DOCK1: variants seen among roughly 807,000 people sequenced by gnomAD.
The protein encoded by DOCK1 is dedicator of cytokinesis 1.
Under a neutral mutation model 262.7 loss-of-function variants are expected in DOCK1, and 138 were observed. The ratio of observed to expected loss-of-function variants is 0.53; its 90% CI spans 0.46 to 0.61. The LOEUF is 0.61. DOCK1 is among the 20% of genes least tolerant of loss of function. The pLI is 0.00. For synonymous variants in DOCK1, 866 were observed against 867.4 expected, an observed-to-expected ratio of 1.00 and a Z score of 0.03; for missense variants, 1,908 against 2,370.7, an observed-to-expected ratio of 0.80 and a Z score of 4.05.
At chr10:127,321,561 C>G (rs940031099) in intron 29 of DOCK1, among the ~76,000 whole-genome samples, 13 of 151,816 alleles carry the variant, frequency 8.6e-5, no homozygotes, top group Non-Finnish European at 1.3e-4. Flanking sequence ...CCAGACCCCA[C>G]TTTCACCTGG....
chr10:127,110,638 G>A (rs957761), intron 25 of DOCK1, among the ~76,000 whole-genome samples: 12,463 of 152,188 alleles, frequency 0.082, 1,169 homozygotes, highest in African/African-American at 0.23. Context: ...AAGATATGTG[G>A]TTGTCTGTCC....
At chr10:127,230,437 A>G (rs2058799100) in intron 27 of DOCK1, among the ~76,000 whole-genome samples, 1 of 152,076 alleles carries the variant, frequency 6.6e-6, no homozygotes, top group Non-Finnish European at 1.5e-5. Flanking sequence ...TGAGTTAATT[A>G]TTGTATATGG....
At chr10:127,024,615 A>T in intron 14 of DOCK1, 70 bp from the exon 15 acceptor site, 2 of 1,280,920 alleles carry the variant, frequency 1.6e-6, no homozygotes, top group South Asian at 2.8e-5. Flanking sequence ...CCCCACATAT[A>T]TAGTGGGAGA....
intron 21 of DOCK1, among the ~76,000 whole-genome samples, chr10:127,044,303 C>G (rs1170138012): frequency 6.6e-6 from 1 of 152,172 alleles, no homozygotes; most frequent in Non-Finnish European, 1.5e-5. Context: ...TCTTTCATAT[C>G]TGCCTCGTGT....
intron 29 of DOCK1, among the ~76,000 whole-genome samples, chr10:127,298,508 G>C (rs2061575682): frequency 6.6e-6 from 1 of 152,152 alleles, no homozygotes; most frequent in South Asian, 2.1e-4. Context: ...CCTTGAGTGA[G>C]AAGCAATCGC....
intron 40 of DOCK1, among the ~76,000 whole-genome samples, chr10:127,405,011 A>G (rs531162882): frequency 6.6e-6 from 1 of 152,322 alleles, no homozygotes; most frequent in South Asian, 2.1e-4. Context: ...TCCAGGTTGT[A>G]GCATGTGTCA....
intron 12 of DOCK1, chr10:127,013,473 G>C (rs1021858052): frequency 3.3e-5 from 5 of 152,154 alleles, no homozygotes; most frequent in Admixed American, 2.0e-4. Context: ...GACTGCCCTC[G>C]GATCTCCAGT....
At chr10:127,339,651 G>GCA (rs1007949492) in intron 30 of DOCK1, among the ~76,000 whole-genome samples, 4 of 145,394 alleles carry the variant, frequency 2.8e-5, no homozygotes, top group East Asian at 4.0e-4. Context: ...GTGTGTGTGC[G>GCA]CGCGCGCATG....
chr10:127,304,600 G>A (rs1032359536), intron 29 of DOCK1, among the ~76,000 whole-genome samples: 2 of 152,138 alleles, frequency 1.3e-5, no homozygotes, highest in African/African-American at 4.8e-5. Flanking sequence ...AAACACATAA[G>A]TGAGGTCAGG....
rs1224244732 is a variant in DOCK1 at position 127,354,736 on chromosome 10, C to T, written c.3283+9C>T. Reference sequence around the variant, plus strand: ...CATGTGGTACAACCTTGGTGAGTAGCCTGGATGTGGGGGCATAGTGAATAT... The same window carrying T: ...CATGTGGTACAACCTTGGTGAGTAGTCTGGATGTGGGGGCATAGTGAATAT... On this transcript the variant is annotated intron_variant, in intron 32 of 51. Coordinates refer to ENST00000623213, the MANE Select transcript of DOCK1 (RefSeq NM_001290223.2). 3.1e-6 allele frequency: 5 copies of T among 1,613,734 alleles called. No homozygotes were observed. Among genetic ancestry groups the T allele is most frequent in the Non-Finnish European group, 4.2e-6 (5 of 1,179,734 alleles).
intron 29 of DOCK1, among the ~76,000 whole-genome samples, chr10:127,294,885 G>T (rs143194652): frequency 6.6e-6 from 1 of 151,122 alleles, no homozygotes; most frequent in African/African-American, 2.4e-5. Flanking sequence ...CAGTTGATCC[G>T]CCCGCCTCAG....
At chr10:127,342,938 A>G (rs2063495330) in intron 30 of DOCK1, among the ~76,000 whole-genome samples, 1 of 152,178 alleles carries the variant, frequency 6.6e-6, no homozygotes, top group Non-Finnish European at 1.5e-5. Flanking sequence ...GGAGCTTCAT[A>G]ATTACATTAA....
chr10:127,075,621 G>A (rs964209808), intron 23 of DOCK1, among the ~76,000 whole-genome samples: 1 of 152,172 alleles, frequency 6.6e-6, no homozygotes, highest in Non-Finnish European at 1.5e-5. Context: ...GGAGGAAGAC[G>A]AAGGGGAAGC....
chr10:127,201,972 C>T (rs1013037105), intron 27 of DOCK1, among the ~76,000 whole-genome samples: 1 of 152,138 alleles, frequency 6.6e-6, no homozygotes, highest in Non-Finnish European at 1.5e-5. Context: ...CTGCTGAAGC[C>T]ACCTTCTCAT....
chr10:127,004,015 G>A (rs1039380379), intron 10 of DOCK1, among the ~76,000 whole-genome samples: 3 of 151,746 alleles, frequency 2.0e-5, no homozygotes, highest in African/African-American at 7.3e-5. Flanking sequence ...AGAACTTTAG[G>A]AGGCCGAGGC....
intron 11 of DOCK1, among the ~76,000 whole-genome samples, 177 bp downstream of exon 11, chr10:127,008,981 C>A (rs371110999): frequency 6.6e-6 from 1 of 152,072 alleles, no homozygotes; most frequent in African/African-American, 2.4e-5. Flanking sequence ...CATAAGAATC[C>A]TGGGTCAAAG....
intron 1 of DOCK1, among the ~76,000 whole-genome samples, chr10:126,948,949 G>A (rs1214586794): frequency 6.6e-6 from 1 of 152,124 alleles, no homozygotes; most frequent in Non-Finnish European, 1.5e-5. Context: ...CCCGCAAGCT[G>A]GGCTTTCAGA....
rs554321428 is a variant in DOCK1 at position 127,411,050 on chromosome 10, A to T, written c.4428+126A>T. On this transcript the variant is annotated intron_variant, in intron 43 of 51. Transcript: ENST00000623213. ...GCCATATTAAATGTCTTTGTGTATT[A>T]TGTGCAGAAATCTTAATCTATTACC... The T allele has an allele frequency of 1.7e-3, 1,545 of 922,102 alleles. 12 individuals carry two copies. The highest frequency in any genetic ancestry group is 0.01 in the Middle Eastern group (39 of 3,824). The allele number at this position is 922,102 out of a possible 1,614,324, so 57.1% of individuals were successfully genotyped here.
At chr10:127,018,522 G>A (rs1018015479) in intron 12 of DOCK1, 188 bp from the exon 13 acceptor site, 9 of 775,058 alleles carry the variant, frequency 1.2e-5, no homozygotes, top group East Asian at 2.8e-5. Context: ...ATCCCAGCTC[G>A]TTGGATGCAT....
Sources: allele counts gnomAD v4.1 joint callset (sites outside exome capture counted in the v4.1 genomes callset), GRCh38; gene constraint gnomAD v4.1.1; transcripts MANE v1.5; gene names NCBI Gene and HGNC (gene_info 2026-07-23, HGNC 2026-07-21).